The following SIPA1L3 variants were observed in gnomAD, a reference collection of about 807,000 sequenced individuals.
SIPA1L3 encodes the protein signal induced proliferation associated 1 like 3.
In SIPA1L3, 59 loss-of-function variants were observed where a neutral mutation model predicts 150.1. The ratio of observed to expected loss-of-function variants is 0.39; its 90% confidence interval spans 0.32 to 0.49. The LOEUF (loss-of-function observed/expected upper bound fraction) is 0.49, where lower values mean the gene tolerates loss of function less well. Among genes scored for constraint, SIPA1L3 ranks in the 20% least tolerant of loss-of-function variants. SIPA1L3 has a pLI of 0.86. For missense variants in SIPA1L3, 2,211 were observed against 2,489.5 expected (o/e 0.89, Z 2.38); for synonymous variants, 1,070 against 1,077.6 (o/e 0.99, Z 0.14).
chr19:37,934,270 CG>C (rs1568469172), intron 1 of SIPA1L3, among the ~76,000 whole-genome samples: 1 of 152,110 alleles, frequency 6.6e-6, no homozygotes, highest in African/African-American at 2.4e-5. Flanking sequence ...GACTTCGCGC[CG>C]CTGTAGCATA....
chr19:38,145,221 C>T (rs948928697), intron 12 of SIPA1L3, among the ~76,000 whole-genome samples: 6 of 137,686 alleles, frequency 4.4e-5, no homozygotes, highest in African/African-American at 1.7e-4. Context: ...TACTGAGTCA[C>T]AGGAAGTTGC....
chr19:38,156,799 C>G (rs548174729), intron 13 of SIPA1L3, among the ~76,000 whole-genome samples: 25 of 152,038 alleles, frequency 1.6e-4, no homozygotes, highest in Middle Eastern at 6.8e-3. Flanking sequence ...ACTCCTGCCT[C>G]GGAGACAGAG....
intron 15 of SIPA1L3, among the ~76,000 whole-genome samples, chr19:38,170,225 A>G (rs1210893232): frequency 6.6e-6 from 1 of 152,146 alleles, no homozygotes; most frequent in Non-Finnish European, 1.5e-5. Context: ...CCCACTGTCC[A>G]TCTCACCCCA....
chr19:38,188,112 C>T (rs1402578461), intron 16 of SIPA1L3, among the ~76,000 whole-genome samples: 2 of 152,030 alleles, frequency 1.3e-5, no homozygotes, highest in East Asian at 1.9e-4. Context: ...TCTTTGTTAT[C>T]GTGAGAGGCA....
chr19:37,907,478 G>A (rs2046343807), intron 1 of SIPA1L3, 120 bp downstream of exon 1: 2 of 152,330 alleles, frequency 1.3e-5, no homozygotes, highest in African/African-American at 4.8e-5. Flanking sequence ...CGTGGGGGGC[G>A]GCGGCGCCGG....
At chr19:38,069,268 C>T (rs941633317) in intron 2 of SIPA1L3, among the ~76,000 whole-genome samples, 20 of 152,162 alleles carry the variant, frequency 1.3e-4, no homozygotes, top group Admixed American at 6.6e-5. Context: ...GAGGACAAGG[C>T]GCTCTGAATC....
At chr19:37,920,807 G>A (rs574295093) in intron 1 of SIPA1L3, among the ~76,000 whole-genome samples, 2 of 152,150 alleles carry the variant, frequency 1.3e-5, no homozygotes, top group East Asian at 1.9e-4. Flanking sequence ...GGGAACACCC[G>A]GCCAGGCCCC....
chr19:37,974,051 T>C (rs1002714833), intron 1 of SIPA1L3, among the ~76,000 whole-genome samples: 1 of 152,176 alleles, frequency 6.6e-6, no homozygotes, highest in African/African-American at 2.4e-5. Flanking sequence ...CCCATTGTCC[T>C]GGTTGTAAAG....
At chr19:38,037,476 T>TGGG (rs1968818607) in intron 2 of SIPA1L3, among the ~76,000 whole-genome samples, 1 of 151,914 alleles carries the variant, frequency 6.6e-6, no homozygotes, top group Non-Finnish European at 1.5e-5. Context: ...GAGAGGTAGG[T>TGGG]GGGGGCAGAT....
rs79630992 is a variant in SIPA1L3, at chr19:37,958,580, T to G, written c.-379+51222T>G. Among the ~76,000 whole-genome samples the G allele has an allele frequency of 7.4e-4, 112 of 152,268 alleles. No individual in the cohort carries two copies. In the East Asian group the frequency reaches 0.02, roughly 27 times the overall value. The stretch of plus-strand genomic sequence containing the variant: ...AAATTCTTAGAAGAAAACATAAGAT[T>G]ATATATTTGTGACCTTGAGTTAGGC... On this transcript the variant is annotated intron_variant, in intron 1 of 21. Coordinates refer to ENST00000222345, the MANE Select transcript of SIPA1L3 (RefSeq NM_015073.3).
At chr19:38,123,215 C>G (rs973258920) in intron 9 of SIPA1L3, among the ~76,000 whole-genome samples, 1 of 151,764 alleles carries the variant, frequency 6.6e-6, no homozygotes, top group Non-Finnish European at 1.5e-5. Flanking sequence ...CCAGAGATAC[C>G]TTGACTTGCC....
chr19:38,141,380 C>G lies in SIPA1L3; in HGVS notation c.3340C>G (p.Leu1114Val), dbSNP rs1266606909. 1 of 1,613,580 alleles carries G rather than the reference C, an allele frequency of 6.2e-7. No homozygotes were observed. The highest frequency in any genetic ancestry group is 8.5e-7 in the Non-Finnish European group (1 of 1,180,026). The stretch of plus-strand genomic sequence containing the variant: ...CCATGCCCAGTCCCTGAGCCGGCCC[C>G]TGAAGCAGACCCCCATAGTCCCCTT... ...PGHAQSLSRPLKQTPIVPFRE... is the reference protein window; with the variant it reads ...PGHAQSLSRPVKQTPIVPFRE... The change falls in exon 11 of 22, where the codon CTG becomes GTG. Residue 1114 changes from leucine (L) to valine (V), a missense_variant. Leu to Val is a conservative substitution (Grantham distance 32). Coordinates refer to ENST00000222345, the MANE Select transcript of SIPA1L3 (RefSeq NM_015073.3).
Position 38,106,648 on chromosome 19 carries a change from A to T in SIPA1L3, c.2133+8A>T, listed in dbSNP as rs758694114. 6.3e-7 allele frequency: 1 copy of T among 1,598,116 alleles called. No homozygotes were observed. The highest frequency in any genetic ancestry group is 1.1e-5 in the South Asian group (1 of 90,768). The stretch of plus-strand genomic sequence containing the variant: ...CCCAACAACAGGCAGCAGGTCAGTG[A>T]TTTTCAGCAGAGGCACGGCTGCCGG... On this transcript the variant is annotated splice_region_variant and intron_variant, in intron 7 of 21. Transcript: ENST00000222345.
intron 12 of SIPA1L3, among the ~76,000 whole-genome samples, chr19:38,147,030 G>A (rs1288283896): frequency 6.6e-6 from 1 of 151,886 alleles, no homozygotes; most frequent in Non-Finnish European, 1.5e-5. Context: ...GTCTTTCACA[G>A]AACAAAAGTT....
At chr19:38,021,380 A>T (rs1968369935) in intron 1 of SIPA1L3, among the ~76,000 whole-genome samples, 1 of 152,116 alleles carries the variant, frequency 6.6e-6, no homozygotes, top group South Asian at 2.1e-4. Context: ...TGGCCTTAAG[A>T]CAGCTGTTGG....
chr19:38,087,718 G>A (rs747323734), intron 3 of SIPA1L3: 5 of 152,276 alleles, frequency 3.3e-5, no homozygotes, highest in Non-Finnish European at 7.3e-5. Flanking sequence ...GTTACCCTAA[G>A]GGAAAAAACA....
intron 2 of SIPA1L3, among the ~76,000 whole-genome samples, chr19:38,030,833 C>T (rs1360024874): frequency 6.6e-6 from 1 of 151,986 alleles, no homozygotes; most frequent in African/African-American, 2.4e-5. Context: ...GGACGATTCC[C>T]AGCTTTGTTG....
At chr19:38,155,040 T>C (rs1971913230) in intron 13 of SIPA1L3, among the ~76,000 whole-genome samples, 1 of 151,434 alleles carries the variant, frequency 6.6e-6, no homozygotes, top group African/African-American at 2.4e-5. Context: ...AGATTACAGG[T>C]GTGAGCCACC....
At chr19:38,124,603 G>A (rs1386940073) in intron 9 of SIPA1L3, among the ~76,000 whole-genome samples, 2 of 152,050 alleles carry the variant, frequency 1.3e-5, no homozygotes, top group Non-Finnish European at 2.9e-5. Context: ...ACGGGGTGGC[G>A]GCCGGGCAGA....
Sources: gnomAD v4.1 joint callset for allele counts (sites outside exome capture counted in the v4.1 genomes callset) on GRCh38, gnomAD v4.1.1 for gene constraint, MANE v1.5 for transcripts, NCBI Gene and HGNC (gene_info 2026-07-23, HGNC 2026-07-21) for gene names.